RYR2: variants seen among roughly 807,000 people sequenced by gnomAD.
RYR2 encodes the protein ryanodine receptor 2.
A neutral mutation model predicts 601.1 loss-of-function variants in RYR2; 227 were observed. That is an observed-to-expected ratio of 0.38 (90% CI 0.34 to 0.42). The LOEUF is 0.42. RYR2 is among the 10% of genes least tolerant of loss of function. RYR2 has a pLI of 1.00. For synonymous variants in RYR2, 2,223 were observed against 2,175.1 expected (o/e 1.02, Z -0.61); for missense variants, 4,646 against 6,156.5 (o/e 0.75, Z 8.21).
intron 1 of RYR2, among the ~76,000 whole-genome samples, chr1:237,077,835 A>C (rs1166182652): frequency 6.6e-6 from 1 of 151,160 alleles, no homozygotes; most frequent in Non-Finnish European, 1.5e-5. Flanking sequence ...TTTTTTCAGC[A>C]CCACACCACA....
At chr1:237,660,271 G>A (rs552078142) in intron 55 of RYR2, among the ~76,000 whole-genome samples, 197 bp downstream of exon 55, 1 of 146,860 alleles carries the variant, frequency 6.8e-6, no homozygotes, top group East Asian at 2.0e-4. Flanking sequence ...CAGCCTTTCT[G>A]TGTTTATTCT....
intron 1 of RYR2, among the ~76,000 whole-genome samples, chr1:237,215,654 T>C (rs1447998889): frequency 6.6e-6 from 1 of 152,192 alleles, no homozygotes; most frequent in African/African-American, 2.4e-5. Flanking sequence ...GGTTTCCTAG[T>C]CTTGTAAACT....
chr1:237,782,028 C>T (rs1695157488), intron 89 of RYR2, among the ~76,000 whole-genome samples: 1 of 152,108 alleles, frequency 6.6e-6, no homozygotes, highest in Non-Finnish European at 1.5e-5. Context: ...GAAAAGACCA[C>T]AGAGTCACTC....
At chr1:237,508,446 A>T (rs908750984) in intron 23 of RYR2, among the ~76,000 whole-genome samples, 5 of 143,282 alleles carry the variant, frequency 3.5e-5, no homozygotes, top group African/African-American at 9.8e-5. Flanking sequence ...AAGATTTTTT[A>T]AAAAGTTCCC....
At chr1:237,540,107 C>T (rs964446196) in intron 25 of RYR2, among the ~76,000 whole-genome samples, 6 of 152,032 alleles carry the variant, frequency 3.9e-5, no homozygotes, top group African/African-American at 7.3e-5. Flanking sequence ...CTTAATTTCA[C>T]GCATCTTCCC....
intron 1 of RYR2, among the ~76,000 whole-genome samples, chr1:237,265,738 A>G (rs1689000289): frequency 6.6e-6 from 1 of 152,154 alleles, no homozygotes; most frequent in Non-Finnish European, 1.5e-5. Flanking sequence ...AGCTCCTTGG[A>G]AGGGAGTGTG....
intron 1 of RYR2, among the ~76,000 whole-genome samples, chr1:237,098,984 C>A (rs1239611961): frequency 6.6e-6 from 1 of 152,090 alleles, no homozygotes; most frequent in African/African-American, 2.4e-5. Flanking sequence ...TGCACAAGTA[C>A]AATGAGGAGG....
chr1:237,636,085 T>C (rs1284267542), intron 44 of RYR2, among the ~76,000 whole-genome samples: 1 of 152,140 alleles, frequency 6.6e-6, no homozygotes, highest in East Asian at 1.9e-4. Context: ...ATTGGAAATG[T>C]AAATATTTGT....
chr1:237,470,480 T>G (rs1347849884), intron 17 of RYR2, among the ~76,000 whole-genome samples: 1 of 152,010 alleles, frequency 6.6e-6, no homozygotes, highest in African/African-American at 2.4e-5. Context: ...GGACAAAAAT[T>G]TGAGTCATAG....
chr1:237,057,661 G>A (rs56200871), intron 1 of RYR2, among the ~76,000 whole-genome samples: 1 of 152,168 alleles, frequency 6.6e-6, no homozygotes, highest in Non-Finnish European at 1.5e-5. Context: ...CTTGAAAGGG[G>A]AGGAAGGGTA....
intron 92 of RYR2, among the ~76,000 whole-genome samples, chr1:237,789,655 C>A (rs1658128477): frequency 8.3e-6 from 1 of 121,178 alleles, no homozygotes; most frequent in South Asian, 2.8e-4. Context: ...ATGTGTTTAA[C>A]TACAGTTGTG....
chr1:237,383,026 G>T (rs941778564), intron 8 of RYR2, among the ~76,000 whole-genome samples: 1 of 151,666 alleles, frequency 6.6e-6, no homozygotes, highest in African/African-American at 2.4e-5. Context: ...CACCAGGGCC[G>T]AAGTACCTGA....
intron 57 of RYR2, 66 bp downstream of exon 57, chr1:237,666,655 TTC>T: frequency 7.2e-6 from 9 of 1,247,782 alleles, no homozygotes; most frequent in Non-Finnish European, 1.0e-5. Flanking sequence ...ATGTAATGCT[TTC>T]CTGCATATAT....
At chr1:237,725,249 A>G (rs1007354859) in intron 74 of RYR2, among the ~76,000 whole-genome samples, 5 of 152,270 alleles carry the variant, frequency 3.3e-5, no homozygotes, top group South Asian at 4.1e-4. Context: ...GAATATGGCG[A>G]GATTGGTTTA....
chr1:237,251,028 ATGTGTGTGTGTG>A (rs3056167), intron 1 of RYR2, among the ~76,000 whole-genome samples: 4 of 139,224 alleles, frequency 2.9e-5, no homozygotes, highest in Non-Finnish European at 6.3e-5. Context: ...TCCCCAACAG[ATGTGTGTGTGTG>A]TGTGTGTGTG....
At chr1:237,274,021 ATATTT>A (rs1051705331) in intron 2 of RYR2, among the ~76,000 whole-genome samples, 4 of 144,832 alleles carry the variant, frequency 2.8e-5, no homozygotes, top group African/African-American at 1.0e-4. Flanking sequence ...AAATACATAT[ATATTT>A]TATATTATAT....
rs4006354 is a variant in RYR2 at position 237,255,838 on chromosome 1, A to AGTGTGTGTGTGTGT, written c.49-14637_49-14624dup. On this transcript the variant is annotated intron_variant, in intron 1 of 104. Coordinates refer to ENST00000366574, the MANE Select transcript of RYR2 (RefSeq NM_001035.3). ...TTCTAGTTGTGCTGCTTGCTATACC[A>AGTGTGTGTGTGTGT]GTGTGTGTGTGTGTGTGTGTGTGTG... Among the ~76,000 whole-genome samples, 476 of 142,946 alleles carry AGTGTGTGTGTGTGT rather than the reference A, an allele frequency of 3.3e-3. 4 individuals carry two copies. The highest frequency in any genetic ancestry group is 0.018 in the East Asian group (88 of 4,786). 93.8% of individuals were successfully genotyped at this position (142,946 alleles called of 152,430 possible).
intron 79 of RYR2, among the ~76,000 whole-genome samples, chr1:237,741,062 A>G (rs1691565059): frequency 6.6e-6 from 1 of 152,172 alleles, no homozygotes; most frequent in Non-Finnish European, 1.5e-5. Context: ...TGCTTTTGTG[A>G]TGAAATGTGC....
chr1:237,523,640 G>A (rs998916149), intron 24 of RYR2, among the ~76,000 whole-genome samples: 3 of 152,026 alleles, frequency 2.0e-5, no homozygotes, highest in African/African-American at 7.2e-5. Context: ...GGGAGACTGA[G>A]GCAGGAGAAT....
Sources: gnomAD v4.1 joint callset for allele counts (sites outside exome capture counted in the v4.1 genomes callset) on GRCh38, gnomAD v4.1.1 for gene constraint, MANE v1.5 for transcripts, NCBI Gene and HGNC (gene_info 2026-07-23, HGNC 2026-07-21) for gene names.